NEBL: variants seen among roughly 807,000 people sequenced by gnomAD.
NEBL encodes LIM and SH3 protein 2.
NEBL carries 122 observed loss-of-function variants against 140.2 expected under a neutral mutation model. The ratio of observed to expected loss-of-function variants is 0.87; its 90% confidence interval spans 0.75 to 1.01. NEBL has a LOEUF of 1.01. Among genes scored for constraint, NEBL ranks in the 50% least tolerant of loss-of-function variants. The pLI is 0.00. For synonymous variants in NEBL, 436 were observed against 398.9 expected (o/e 1.09, Z -1.11); for missense variants, 1,365 against 1,231.3 (o/e 1.11, Z -1.62).
upstream of NEBL, among the ~76,000 whole-genome samples, chr10:20,898,732 C>T (rs1226279623): frequency 6.6e-6 from 1 of 152,160 alleles, no homozygotes; most frequent in African/African-American, 2.4e-5. Context: ...TCGTGTTCCC[C>T]TGAACACAAA....
At chr10:21,094,499 CAAAAAAAAAAAAAAAA>C (rs72278772) in intron 2 of NEBL, among the ~76,000 whole-genome samples, 27 of 63,216 alleles carry the variant, frequency 4.3e-4, no homozygotes, top group Admixed American at 2.0e-3. Flanking sequence ...GACTCCGTCT[CAAAAAAAAAAAAAAAA>C]AAAAAAAAAA....
intron 3 of NEBL, among the ~76,000 whole-genome samples, chr10:20,992,615 C>A (rs1408520978): frequency 6.6e-6 from 1 of 152,042 alleles, no homozygotes; most frequent in African/African-American, 2.4e-5. Flanking sequence ...ACTTTGAGAG[C>A]CCTATCCCTG....
intron 2 of NEBL, among the ~76,000 whole-genome samples, chr10:21,027,301 TA>T (rs35067415): frequency 0.56 from 82,181 of 147,230 alleles, 22,954 homozygotes; most frequent in East Asian, 0.72. Context: ...GTATTATCTT[TA>T]AAAAAAAAAC....
intron 16 of NEBL, 194 bp downstream of exon 16, chr10:20,831,002 G>A (rs914872876): frequency 1.1e-5 from 6 of 547,300 alleles, no homozygotes; most frequent in African/African-American, 1.9e-5. Flanking sequence ...CATAATGTCT[G>A]TTGCATTGAA....
At chr10:21,114,460 A>G (rs1838189702) in intron 2 of NEBL, among the ~76,000 whole-genome samples, 1 of 152,034 alleles carries the variant, frequency 6.6e-6, no homozygotes, top group African/African-American at 2.4e-5. Context: ...GTGTTGTTCA[A>G]TTATTCTGTA....
At chr10:21,281,167 T>C (rs1435531519) in intron 1 of NEBL, among the ~76,000 whole-genome samples, 1 of 152,160 alleles carries the variant, frequency 6.6e-6, no homozygotes, top group Non-Finnish European at 1.5e-5. Flanking sequence ...TCAACAGGGA[T>C]CTAGTGAATC....
At chr10:20,964,374 T>C (rs1271760041) in intron 3 of NEBL, among the ~76,000 whole-genome samples, 1 of 152,206 alleles carries the variant, frequency 6.6e-6, no homozygotes, top group East Asian at 1.9e-4. Context: ...ATTTGGCTTA[T>C]GGTTCTGTAA....
At chr10:20,977,006 T>G (rs1203153666) in intron 3 of NEBL, among the ~76,000 whole-genome samples, 1 of 152,054 alleles carries the variant, frequency 6.6e-6, no homozygotes, top group Non-Finnish European at 1.5e-5. Context: ...AGGCTTTCTG[T>G]AATACACATA....
At chr10:20,911,096 G>A (rs558012710) in intron 4 of NEBL, among the ~76,000 whole-genome samples, 1 of 152,092 alleles carries the variant, frequency 6.6e-6, no homozygotes, top group Non-Finnish European at 1.5e-5. Flanking sequence ...CCTGGGAGGT[G>A]GAGGTTGCAG....
intron 2 of NEBL, chr10:21,029,457 C>G: frequency 6.2e-6 from 10 of 1,611,562 alleles, no homozygotes; most frequent in Non-Finnish European, 8.5e-6. Context: ...TGCTCAGTGC[C>G]CTGAGTCTCA....
intron 3 of NEBL, among the ~76,000 whole-genome samples, chr10:20,969,117 T>C (rs1836454764): frequency 6.6e-6 from 1 of 152,184 alleles, no homozygotes; most frequent in Non-Finnish European, 1.5e-5. Flanking sequence ...TTGATTAATC[T>C]CACAATGTTA....
chr10:20,870,341 A>AC (rs1205621555), intron 5 of NEBL, among the ~76,000 whole-genome samples: 1 of 151,660 alleles, frequency 6.6e-6, no homozygotes, highest in Non-Finnish European at 1.5e-5. Flanking sequence ...AAAAAAAAAA[A>AC]AAAACTTGAA....
At chr10:20,813,479 G>A (rs992998721) in intron 23 of NEBL, among the ~76,000 whole-genome samples, 5 of 152,164 alleles carry the variant, frequency 3.3e-5, no homozygotes, top group East Asian at 1.9e-4. Context: ...TTGTGTAACT[G>A]TAAATTATAC....
At chr10:20,885,500 T>A (rs868796765) in intron 4 of NEBL, among the ~76,000 whole-genome samples, 3 of 152,212 alleles carry the variant, frequency 2.0e-5, no homozygotes, top group Admixed American at 1.3e-4. Flanking sequence ...GCTAACAATG[T>A]CAGTGGGAAC....
chr10:20,937,915 C>A (rs968672934), intron 4 of NEBL, among the ~76,000 whole-genome samples: 3 of 152,180 alleles, frequency 2.0e-5, no homozygotes, highest in African/African-American at 7.2e-5. Context: ...ATTGCCCAGG[C>A]TTGAGTAGGT....
At chr10:21,216,771 G>GAA (rs112977564) in intron 3 of NEBL, among the ~76,000 whole-genome samples, 57 of 129,302 alleles carry the variant, frequency 4.4e-4, no homozygotes, top group African/African-American at 1.5e-3. Context: ...ACTCCATCTC[G>GAA]AAAAAAAAAA....
intron 2 of NEBL, among the ~76,000 whole-genome samples, chr10:21,250,349 G>A (rs896137630): frequency 1.3e-5 from 2 of 152,160 alleles, no homozygotes; most frequent in African/African-American, 2.4e-5. Flanking sequence ...CTCCCATGCT[G>A]GATGCTTCCT....
intron 4 of NEBL, among the ~76,000 whole-genome samples, chr10:20,955,970 T>C (rs1835782642): frequency 6.6e-6 from 1 of 151,840 alleles, no homozygotes; most frequent in Non-Finnish European, 1.5e-5. Context: ...TTCTCAAACC[T>C]CCCCTTTAGA....
intron 3 of NEBL, among the ~76,000 whole-genome samples, chr10:21,238,632 C>T (rs1043530236): frequency 3.3e-5 from 5 of 149,362 alleles, no homozygotes; most frequent in African/African-American, 1.2e-4. Flanking sequence ...ATCACTTGAA[C>T]CTGGGAGGCG....
Sources: gnomAD v4.1 joint callset for allele counts (sites outside exome capture counted in the v4.1 genomes callset) on GRCh38, gnomAD v4.1.1 for gene constraint, MANE v1.5 for transcripts, NCBI Gene and HGNC (gene_info 2026-07-23, HGNC 2026-07-21) for gene names.